The following ZNHIT3 variants were observed in gnomAD, a reference collection of about 807,000 sequenced individuals.
The protein encoded by ZNHIT3 is zinc finger HIT domain-containing protein 3.
Under a neutral mutation model 19.9 loss-of-function variants are expected in ZNHIT3, and 27 were observed. The observed-to-expected ratio is 1.36, with a 90% CI of 1.00 to 1.87. The LOEUF is 1.87. Ranked by LOEUF, ZNHIT3 falls within the 40% of genes most tolerant of loss-of-function variation. The probability of loss-of-function intolerance (pLI) is 0.00; values close to 1 mark genes in which losing one functional copy is unlikely to be tolerated. For synonymous variants in ZNHIT3, 81 were observed against 65.7 expected, an observed-to-expected ratio of 1.23 and a Z score of -1.13; for missense variants, 215 against 185.6, an observed-to-expected ratio of 1.16 and a Z score of -0.92.
chr17:36,497,233 G>A (rs1168461693), downstream of ZNHIT3, among the ~76,000 whole-genome samples: 1 of 151,754 alleles, frequency 6.6e-6, no homozygotes, highest in East Asian at 1.9e-4. Context: ...AGCTATTCGG[G>A]AGGCTGAGGC....
chr17:36,486,979 C>G lies in ZNHIT3; in HGVS notation c.118+13C>G. On this transcript the variant is annotated intron_variant, in intron 2 of 4. Coordinates refer to ENST00000617429, the MANE Select transcript of ZNHIT3 (RefSeq NM_004773.4). ...CGGAAGCACAAAGGTGAGCCCCGTC[C>G]CCGCCAGCCCTCGTACCACTGCGCA... 1.2e-6 allele frequency: 2 copies of G among 1,610,884 alleles called. No homozygotes were observed. The highest frequency in any genetic ancestry group is 2.3e-5 in the East Asian group (1 of 44,336).
rs371328466 is a variant in ZNHIT3 at position 36,486,688 on chromosome 17, T to G, written c.-12T>G. The G allele has an allele frequency of 3.4e-4, 554 of 1,613,592 alleles. 1 individual carries two copies. Among genetic ancestry groups the G allele is most frequent in the Non-Finnish European group, 4.2e-4 (493 of 1,179,778 alleles). On this transcript the variant is annotated 5_prime_UTR_variant, in exon 1 of 5. Coordinates refer to ENST00000617429, the MANE Select transcript of ZNHIT3 (RefSeq NM_004773.4). The stretch of plus-strand genomic sequence containing the variant: ...CGCGGCGGCGCAGTGAACAGTCTCC[T>G]TCCACAAAACCATGGCGTCGCTCAA...
chr17:36,495,748 T>A lies in ZNHIT3; in HGVS notation c.*344T>A. On this transcript the variant is annotated 3_prime_UTR_variant, in exon 5 of 5. Transcript: ENST00000617429. ...AGTGTTAATAAAATCAAAACGTGAT[T>A]CTACTGTACATTGCATTATTCATAA... 8.0e-7 allele frequency: 1 copy of A among 1,245,150 alleles called. No homozygotes were observed. The highest frequency in any genetic ancestry group is 1.0e-6 in the Non-Finnish European group (1 of 995,832). 77.1% of individuals were successfully genotyped at this position (1,245,150 alleles called of 1,614,324 possible). A position where few individuals can be genotyped will look rare whatever the true frequency, so the allele number is the denominator to read the frequency against.
chr17:36,498,093 AAAAT>A, downstream of ZNHIT3: 1 of 646,536 alleles, frequency 1.5e-6, no homozygotes, highest in Non-Finnish European at 2.5e-6. Flanking sequence ...CAGTTATAAC[AAAAT>A]AAATAATCCA....
rs2142561385 is a variant in ZNHIT3, at chr17:36,495,447, T to C, written c.*43T>C. On this transcript the variant is annotated 3_prime_UTR_variant, in exon 5 of 5. Transcript: ENST00000617429. ...CTTGCTCAAGCGTGTGCTTGACTCC[T>C]GGAACCTGCCTGCTCCCTCTCCCAG... The C allele has an allele frequency of 2.6e-6, 4 of 1,523,228 alleles. No homozygotes were observed. Among genetic ancestry groups the C allele is most frequent in the Non-Finnish European group, 3.5e-6 (4 of 1,137,496 alleles). The allele number at this position is 1,523,228 out of a possible 1,614,324, so 94.4% of individuals were successfully genotyped here.
downstream of ZNHIT3, chr17:36,496,408 T>C (rs755097392): frequency 6.2e-7 from 1 of 1,613,818 alleles, no homozygotes; most frequent in South Asian, 1.1e-5. Context: ...TATCGATCCC[T>C]AGAGGGGAGA....
Position 36,486,799 on chromosome 17 carries a change from T to A in ZNHIT3, c.86+14T>A, listed in dbSNP as rs1286425643. The A allele has an allele frequency of 2.5e-6, 4 of 1,574,106 alleles. No individual in the cohort carries two copies. In the Admixed American group the frequency reaches 6.8e-5, roughly 27 times the overall value. ...CCGCGTGCCCTAGTGAGCGGGGAGG[T>A]CGCGGGGTCCAGGGGCGCGGGTGTC... is the stretch of plus-strand genomic sequence containing the variant. On this transcript the variant is annotated intron_variant, in intron 1 of 4. Coordinates refer to ENST00000617429, the MANE Select transcript of ZNHIT3 (RefSeq NM_004773.4).
downstream of ZNHIT3, among the ~76,000 whole-genome samples, chr17:36,497,331 A>C (rs915452836): frequency 2.6e-5 from 4 of 151,756 alleles, no homozygotes; most frequent in South Asian, 2.1e-4. Flanking sequence ...AAAAAAAAAA[A>C]AAACCCACAG....
intron 2 of ZNHIT3, chr17:36,489,585 A>G (rs1171193665): frequency 6.7e-6 from 1 of 149,522 alleles, no homozygotes; most frequent in Non-Finnish European, 1.5e-5. Flanking sequence ...GGCCATTTAT[A>G]TGTCTTCTTT....
chr17:36,498,279 C>T (rs745335102), downstream of ZNHIT3: 16 of 1,611,714 alleles, frequency 9.9e-6, no homozygotes, highest in South Asian at 1.3e-4. Flanking sequence ...AGGCAGCGCT[C>T]GGATGGACGT....
At position 36,486,721 on chromosome 17, in the gene ZNHIT3, A is replaced by T; in HGVS notation, c.22A>T (p.Thr8Ser). ...AACCATGGCGTCGCTCAAATGTAGC[A>T]CCGTCGTCTGCGTGATCTGCTTGGA... MASLKCS[T>S]VVCVICLEKP... Residue 8 changes from threonine (T) to serine (S), a missense_variant, in exon 1 of 5, where the codon ACC (threonine) becomes TCC (serine). Transcript: ENST00000617429. The T allele has an allele frequency of 6.2e-7, 1 of 1,613,742 alleles. No individual in the cohort carries two copies. Among genetic ancestry groups the T allele is most frequent in the Non-Finnish European group, 8.5e-7 (1 of 1,179,804 alleles).
chr17:36,494,024 T>C lies in ZNHIT3; in HGVS notation c.286+18T>C. On this transcript the variant is annotated intron_variant, in intron 4 of 4. Transcript: ENST00000617429. ...GAATTTAGGTAAGTCTGTGCTATGCTTGTCAATCGTTGAGATACATTTACT... is the reference window on the plus strand; with the variant it reads ...GAATTTAGGTAAGTCTGTGCTATGCCTGTCAATCGTTGAGATACATTTACT... 1.3e-6 allele frequency: 2 copies of C among 1,564,596 alleles called. No individual in the cohort carries two copies. The highest frequency in any genetic ancestry group is 4.5e-5 in the East Asian group (2 of 44,662).
chr17:36,487,502 G>A (rs890823361), intron 2 of ZNHIT3, among the ~76,000 whole-genome samples: 2 of 152,246 alleles, frequency 1.3e-5, no homozygotes, highest in Non-Finnish European at 2.9e-5. Flanking sequence ...CAGTTAAAAA[G>A]AAGTGACCTG....
intron 2 of ZNHIT3, chr17:36,489,184 C>G (rs557119107): frequency 5.3e-5 from 8 of 152,322 alleles, no homozygotes; most frequent in African/African-American, 1.9e-4. Context: ...TACCGCATTT[C>G]TTTATCCATC....
At chr17:36,495,081 T>G (rs2070860060) in intron 4 of ZNHIT3, 142 bp from the exon 5 acceptor site, 1 of 997,744 alleles carries the variant, frequency 1.0e-6, no homozygotes, top group Non-Finnish European at 1.4e-6. Context: ...CACCTTGACC[T>G]CCCCAGTTGC....
At chr17:36,487,086 G>A in intron 2 of ZNHIT3, 120 bp downstream of exon 2, 1 of 1,360,402 alleles carries the variant, frequency 7.4e-7, no homozygotes, top group Non-Finnish European at 9.9e-7. Context: ...GGGTCTCCGC[G>A]GGTTCTGCAG....
chr17:36,486,693 C>T lies in ZNHIT3; in HGVS notation c.-7C>T. 1.2e-6 allele frequency: 2 copies of T among 1,613,846 alleles called. No individual in the cohort carries two copies. Among genetic ancestry groups the T allele is most frequent in the Non-Finnish European group, 1.7e-6 (2 of 1,179,862 alleles). On this transcript the variant is annotated 5_prime_UTR_variant, in exon 1 of 5. Transcript: ENST00000617429. ...CGGCGCAGTGAACAGTCTCCTTCCA[C>T]AAAACCATGGCGTCGCTCAAATGTA... is the stretch of plus-strand genomic sequence containing the variant.
intron 4 of ZNHIT3, 46 bp downstream of exon 4, chr17:36,494,052 G>A (rs780963791): frequency 2.5e-5 from 36 of 1,445,986 alleles, no homozygotes; most frequent in Admixed American, 3.6e-5. Context: ...CATTTACTGT[G>A]TTGTAAGGAT....
chr17:36,487,902 G>C (rs1376048390), intron 2 of ZNHIT3, among the ~76,000 whole-genome samples: 1 of 151,844 alleles, frequency 6.6e-6, no homozygotes, highest in Non-Finnish European at 1.5e-5. Context: ...TCAGGAGTTT[G>C]AGACCAGCCT....
Sources: gnomAD v4.1 joint callset for allele counts (sites outside exome capture counted in the v4.1 genomes callset) on GRCh38, gnomAD v4.1.1 for gene constraint, MANE v1.5 for transcripts, NCBI Gene and HGNC (gene_info 2026-07-23, HGNC 2026-07-21) for gene names.